The following GLIS3 variants were observed in gnomAD, a reference collection of about 807,000 sequenced individuals.
The protein encoded by GLIS3 is zinc finger protein GLIS3.
In GLIS3, 53 loss-of-function variants were observed where a neutral mutation model predicts 78.6. That is an observed-to-expected ratio of 0.67 (90% CI 0.54 to 0.85). GLIS3 has a LOEUF of 0.85. Ranked by LOEUF, GLIS3 falls within the 40% of genes least tolerant of loss-of-function variation. The pLI is 0.00. For missense variants in GLIS3, 1,703 were observed against 1,231.1 expected (o/e 1.38, Z -5.74); for synonymous variants, 684 against 509.9 (o/e 1.34, Z -4.60).
At chr9:4,048,078 G>C (rs1024246675) in intron 4 of GLIS3, among the ~76,000 whole-genome samples, 4 of 152,296 alleles carry the variant, frequency 2.6e-5, no homozygotes, top group African/African-American at 9.6e-5. Context: ...TGATTGGAGA[G>C]CCCTAAATAA....
intron 2 of GLIS3, among the ~76,000 whole-genome samples, chr9:4,200,855 G>A (rs902010657): frequency 6.6e-6 from 1 of 152,132 alleles, no homozygotes; most frequent in Non-Finnish European, 1.5e-5. Flanking sequence ...GGATCACCTT[G>A]AGACCAAAAC....
intron 4 of GLIS3, among the ~76,000 whole-genome samples, chr9:4,047,225 A>G (rs1825325359): frequency 6.6e-6 from 1 of 152,080 alleles, no homozygotes; most frequent in Non-Finnish European, 1.5e-5. Flanking sequence ...GCCTGCCACC[A>G]GCTAAGACGT....
chr9:4,178,130 T>C (rs1816967662), intron 2 of GLIS3, among the ~76,000 whole-genome samples: 1 of 152,218 alleles, frequency 6.6e-6, no homozygotes, highest in South Asian at 2.1e-4. Flanking sequence ...GATATGTTCC[T>C]ATCTCCAAGT....
chr9:3,898,774 A>T lies in GLIS3; in HGVS notation c.2045T>A (p.Leu682Gln). 6.2e-7 allele frequency: 1 copy of T among 1,614,196 alleles called. No homozygotes were observed. The highest frequency in any genetic ancestry group is 8.5e-7 in the Non-Finnish European group (1 of 1,180,028). ...LLTDCLTVQS[L>Q]QPATSPRDAA... Reference sequence around the variant, plus strand: ...ATCTCTAGGGGAAGTGGCCGGCTGCAGGGACTGCACGGTGAGGCAATCTGT... The same window carrying T: ...ATCTCTAGGGGAAGTGGCCGGCTGCTGGGACTGCACGGTGAGGCAATCTGT... Residue 682 changes from leucine to glutamine, a missense_variant, in exon 7 of 11, where the codon CTG (leucine) becomes CAG (glutamine). Physicochemically the swap from Leu to Gln is moderately radical, Grantham distance 113. Transcript: ENST00000381971.
chr9:4,379,637 G>C, the GLIS3 span, among the ~76,000 whole-genome samples: 1 of 152,114 alleles, frequency 6.6e-6, no homozygotes, highest in Non-Finnish European at 1.5e-5. Flanking sequence ...TGTTTCAGTG[G>C]ACCTTGAAAT....
chr9:4,468,321 GAC>G, the GLIS3 span, among the ~76,000 whole-genome samples: 4 of 152,132 alleles, frequency 2.6e-5, no homozygotes, highest in Admixed American at 2.0e-4. Context: ...GCAACTCCAA[GAC>G]ACATAATTGT....
the GLIS3 span, among the ~76,000 whole-genome samples, chr9:4,385,745 G>GAAAGAA: frequency 2.2e-4 from 7 of 31,350 alleles, no homozygotes; most frequent in Non-Finnish European, 4.0e-4. Flanking sequence ...GAAAAAGAAA[G>GAAAGAA]AAAGAAAGAA....
intron 8 of GLIS3, among the ~76,000 whole-genome samples, chr9:3,873,102 T>C (rs2130404563): frequency 6.6e-6 from 1 of 152,238 alleles, no homozygotes; most frequent in South Asian, 2.1e-4. Flanking sequence ...TAAAAAGTCT[T>C]CCCAAAGGAA....
the GLIS3 span, among the ~76,000 whole-genome samples, chr9:4,380,607 A>C: frequency 2.0e-5 from 3 of 152,254 alleles, no homozygotes; most frequent in African/African-American, 7.2e-5. Flanking sequence ...CTGAGTCAAT[A>C]GGACTGAAGT....
chr9:3,863,061 A>G (rs1324215482), intron 8 of GLIS3, among the ~76,000 whole-genome samples: 1 of 152,204 alleles, frequency 6.6e-6, no homozygotes, highest in Non-Finnish European at 1.5e-5. Flanking sequence ...CTTAAAAAGA[A>G]AAGCCCAGTT....
chr9:4,180,394 A>G (rs1586896442), intron 2 of GLIS3, among the ~76,000 whole-genome samples: 1 of 152,256 alleles, frequency 6.6e-6, no homozygotes, highest in East Asian at 1.9e-4. Flanking sequence ...TCCTAGCTCA[A>G]TGGGCAGGCT....
At chr9:4,329,478 G>A (rs1468785677) in intron 2 of GLIS3, among the ~76,000 whole-genome samples, 2 of 152,078 alleles carry the variant, frequency 1.3e-5, no homozygotes, top group Admixed American at 6.5e-5. Context: ...GGAACTAGGT[G>A]GTATCTGGGG....
chr9:3,991,635 G>A (rs1401287476), intron 4 of GLIS3, among the ~76,000 whole-genome samples: 7 of 151,070 alleles, frequency 4.6e-5, no homozygotes, highest in Non-Finnish European at 1.0e-4. Flanking sequence ...CTTATCTTGG[G>A]GTTACTGTCA....
chr9:4,414,481 T>C, the GLIS3 span, among the ~76,000 whole-genome samples: 4 of 152,188 alleles, frequency 2.6e-5, no homozygotes. Context: ...TCAGTGATAT[T>C]GGGGTGGTCA....
chr9:4,449,632 C>G, the GLIS3 span, among the ~76,000 whole-genome samples: 2 of 152,162 alleles, frequency 1.3e-5, no homozygotes, highest in African/African-American at 2.4e-5. Context: ...GAGGAAGGAT[C>G]AGGCAGTATT....
chr9:4,473,454 C>CACCAA, the GLIS3 span, among the ~76,000 whole-genome samples: 11 of 58,888 alleles, frequency 1.9e-4, no homozygotes, highest in Admixed American at 5.9e-4. Flanking sequence ...TCAACAACAA[C>CACCAA]AACAACAAAA....
chr9:3,829,163 G>T, intron 10 of GLIS3, 147 bp downstream of exon 10: 1 of 692,432 alleles, frequency 1.4e-6, no homozygotes, highest in Non-Finnish European at 2.6e-6. Flanking sequence ...AGGGGAAGGT[G>T]GAGATGAGAG....
intron 2 of GLIS3, among the ~76,000 whole-genome samples, chr9:4,225,447 T>G (rs1821690084): frequency 6.6e-6 from 1 of 152,222 alleles, no homozygotes; most frequent in South Asian, 2.1e-4. Context: ...TTTCCTCCAT[T>G]GGAATTCAGT....
intron 4 of GLIS3, among the ~76,000 whole-genome samples, chr9:4,050,223 T>G (rs537680105): frequency 4.0e-4 from 61 of 152,124 alleles, no homozygotes; most frequent in Non-Finnish European, 6.6e-4. Context: ...ATAGACTGGA[T>G]TAAGAAAATG....
Sources: gnomAD v4.1 joint callset for allele counts (sites outside exome capture counted in the v4.1 genomes callset) on GRCh38, gnomAD v4.1.1 for gene constraint, MANE v1.5 for transcripts, NCBI Gene and HGNC (gene_info 2026-07-23, HGNC 2026-07-21) for gene names.